The following PDE8B variants were observed in gnomAD, a reference collection of about 807,000 sequenced individuals.
The protein encoded by PDE8B is phosphodiesterase 8B, also known as high affinity cAMP-specific and IBMX-insensitive 3',5'-cyclic phosphodiesterase 8B.
PDE8B carries 26 observed loss-of-function variants against 101.3 expected under a neutral mutation model. The observed-to-expected ratio is 0.26, with a 90% CI of 0.19 to 0.36. PDE8B has a LOEUF of 0.36. PDE8B is among the 10% of genes least tolerant of loss of function. The pLI, the probability that PDE8B is intolerant of heterozygous loss-of-function variation, is 1.00. For missense variants in PDE8B, 810 were observed against 1,163.1 expected (o/e 0.70, Z 4.42); for synonymous variants, 424 against 429.3 (o/e 0.99, Z 0.15).
intron 1 of PDE8B, among the ~76,000 whole-genome samples, chr5:77,259,749 G>C (rs999070694): frequency 1.8e-4 from 28 of 152,148 alleles, no homozygotes; most frequent in African/African-American, 6.8e-4. Flanking sequence ...GGGTGGTGGG[G>C]GTATGTTTCC....
At chr5:77,378,009 T>TCCACACACAC (rs1213489921) in intron 10 of PDE8B, among the ~76,000 whole-genome samples, 3 of 134,392 alleles carry the variant, frequency 2.2e-5, no homozygotes, top group African/African-American at 8.9e-5. Flanking sequence ...CCTCTCTCTC[T>TCCACACACAC]ACACACACAC....
At chr5:77,378,093 T>C (rs1786630905) in intron 10 of PDE8B, among the ~76,000 whole-genome samples, 1 of 151,490 alleles carries the variant, frequency 6.6e-6, no homozygotes, top group African/African-American at 2.4e-5. Context: ...ATAGCAGGTG[T>C]TGGTCGCCAT....
intron 1 of PDE8B, among the ~76,000 whole-genome samples, chr5:77,229,426 T>C (rs1753092005): frequency 6.6e-6 from 1 of 152,250 alleles, no homozygotes; most frequent in Non-Finnish European, 1.5e-5. Flanking sequence ...ACTGACTTTT[T>C]CTTGAAAATG....
At chr5:77,310,154 T>A (rs1772268485) in intron 1 of PDE8B, among the ~76,000 whole-genome samples, 1 of 152,116 alleles carries the variant, frequency 6.6e-6, no homozygotes, top group African/African-American at 2.4e-5. Flanking sequence ...TTTCACCATG[T>A]TGGCTAGGCT....
At chr5:77,406,954 C>T (rs1020789471) in intron 12 of PDE8B, among the ~76,000 whole-genome samples, 21 of 152,224 alleles carry the variant, frequency 1.4e-4, no homozygotes, top group African/African-American at 4.1e-4. Context: ...TAACCATGAA[C>T]TGCCTCCCCT....
At chr5:77,387,638 G>A (rs937562297) in intron 10 of PDE8B, among the ~76,000 whole-genome samples, 10 of 149,490 alleles carry the variant, frequency 6.7e-5, no homozygotes, top group African/African-American at 2.3e-4. Context: ...CTAGGTTGGG[G>A]AAGTTCTCCT....
At chr5:77,390,396 A>G (rs1247949062) in intron 10 of PDE8B, among the ~76,000 whole-genome samples, 1 of 152,232 alleles carries the variant, frequency 6.6e-6, no homozygotes, top group Non-Finnish European at 1.5e-5. Flanking sequence ...GAGCTCTGGC[A>G]AAGAGCTTCA....
the PDE8B span, among the ~76,000 whole-genome samples, chr5:77,132,651 T>C: frequency 2.0e-4 from 31 of 152,244 alleles, no homozygotes; most frequent in African/African-American, 7.2e-4. Context: ...TCCAGACTAG[T>C]CTTGCTGTCT....
intron 16 of PDE8B, among the ~76,000 whole-genome samples, chr5:77,412,553 A>ATT (rs34014902): frequency 5.2e-4 from 77 of 147,706 alleles, no homozygotes; most frequent in Non-Finnish European, 7.8e-4. Context: ...AGCACTATAG[A>ATT]TTTTTTTTTT....
rs149776552 is a variant in PDE8B, at chr5:77,263,676, A to T, written c.340-48318A>T. On this transcript the variant is annotated intron_variant, in intron 1 of 21. Coordinates refer to ENST00000264917, the MANE Select transcript of PDE8B (RefSeq NM_003719.5). ...AAAGGTTTCCAAGACCCCTTGCCCA[A>T]CTGATGTCGGAGGACCTGGTATTTG... Among the ~76,000 whole-genome samples the T allele has an allele frequency of 2.2e-3, 342 of 152,288 alleles. 2 individuals are homozygous for T. The highest frequency in any genetic ancestry group is 7.9e-3 in the African/African-American group (328 of 41,560).
Position 77,353,367 on chromosome 5 carries a change from G to A in PDE8B, c.1128G>A (p.Ser376=), listed in dbSNP as rs1207830723. 37 of 1,594,628 alleles carry A rather than the reference G, an allele frequency of 2.3e-5. No individual in the cohort carries two copies. The highest frequency in any genetic ancestry group is 1.7e-4 in the Middle Eastern group (1 of 6,044). ...TTAGGAAAATTAGGCATTTTGTCTCGCTCAAGAAACTGTGTTGTACCACTG... is the reference window on the plus strand; with the variant it reads ...TTAGGAAAATTAGGCATTTTGTCTCACTCAAGAAACTGTGTTGTACCACTG... The part of the protein sequence containing the change: ...GQGGKIRHFV[S]LKKLCCTTDN... The change falls in exon 10 of 22, where the codon TCG becomes TCA. Residue 376 remains serine, a synonymous_variant. Coordinates refer to ENST00000264917, the MANE Select transcript of PDE8B (RefSeq NM_003719.5).
chr5:77,208,287 T>G (rs1284363876), upstream of PDE8B, among the ~76,000 whole-genome samples: 1 of 152,192 alleles, frequency 6.6e-6, no homozygotes, highest in Non-Finnish European at 1.5e-5. Flanking sequence ...GAGAAAACTC[T>G]GAAAAAGTAG....
chr5:77,206,265 T>G (rs1315645817), upstream of PDE8B, among the ~76,000 whole-genome samples: 1 of 152,204 alleles, frequency 6.6e-6, no homozygotes, highest in Non-Finnish European at 1.5e-5. Flanking sequence ...ACCCCTGCCT[T>G]TGTAGAGCCA....
intron 21 of PDE8B, chr5:77,426,164 A>G: frequency 1.7e-6 from 1 of 590,288 alleles, no homozygotes; most frequent in East Asian, 2.9e-5. Flanking sequence ...AGCTTACTGC[A>G]GTGTTTTTCT....
chr5:77,370,121 G>A (rs951744413), intron 10 of PDE8B, among the ~76,000 whole-genome samples: 8 of 151,788 alleles, frequency 5.3e-5, no homozygotes, highest in Non-Finnish European at 8.8e-5. Context: ...AGCCTTTAGC[G>A]TGCATATCAT....
intron 7 of PDE8B, among the ~76,000 whole-genome samples, chr5:77,345,308 T>C (rs1231638397): frequency 2.0e-5 from 3 of 152,176 alleles, no homozygotes. Flanking sequence ...TACAGGCATG[T>C]GCCACCACAC....
At chr5:77,202,987 G>C in the PDE8B span, among the ~76,000 whole-genome samples, 2 of 152,102 alleles carry the variant, frequency 1.3e-5, no homozygotes, top group Non-Finnish European at 2.9e-5. Context: ...GTTGTTCAAG[G>C]GTCAGCTGTA....
At chr5:77,254,891 G>A (rs1294558049) in intron 1 of PDE8B, among the ~76,000 whole-genome samples, 1 of 152,162 alleles carries the variant, frequency 6.6e-6, no homozygotes, top group Non-Finnish European at 1.5e-5. Context: ...GAGTACGGTT[G>A]TTTTAAATAA....
the PDE8B span, among the ~76,000 whole-genome samples, chr5:77,115,737 C>T: frequency 2.0e-5 from 3 of 152,298 alleles, no homozygotes; most frequent in South Asian, 4.1e-4. Context: ...GTGACAGCCA[C>T]GAGTCGGCCG....
Sources: allele counts gnomAD v4.1 joint callset (sites outside exome capture counted in the v4.1 genomes callset), GRCh38; gene constraint gnomAD v4.1.1; transcripts MANE v1.5; gene names NCBI Gene and HGNC (gene_info 2026-07-23, HGNC 2026-07-21).